VWC2: variants seen among roughly 807,000 people sequenced by gnomAD.
VWC2 encodes von Willebrand factor C domain containing 2.
In VWC2, 14 loss-of-function variants were observed where a neutral mutation model predicts 29.8. The observed-to-expected ratio is 0.47, with a 90% CI of 0.31 to 0.74. VWC2 has a LOEUF of 0.74. VWC2 is among the 30% of genes least tolerant of loss of function. The pLI, the probability that VWC2 is intolerant of heterozygous loss-of-function variation, is 0.05. For missense variants in VWC2, 457 were observed against 459.8 expected (o/e 0.99, Z 0.05); for synonymous variants, 213 against 199.0 (o/e 1.07, Z -0.59).
intron 3 of VWC2, among the ~76,000 whole-genome samples, chr7:49,814,230 A>G (rs1789080437): frequency 1.3e-5 from 2 of 152,194 alleles, no homozygotes; most frequent in African/African-American, 4.8e-5. Context: ...AGCCTCTGCA[A>G]TAAGTATTTT....
rs112009281 is a variant in VWC2, at chr7:49,847,492, G to T, written c.826+44652G>T. Among the ~76,000 whole-genome samples the T allele has an allele frequency of 2.5e-3, 379 of 152,172 alleles. 4 individuals carry two copies. Among genetic ancestry groups the T allele is most frequent in the African/African-American group, 8.6e-3 (357 of 41,524 alleles). On this transcript the variant is annotated intron_variant, in intron 3 of 3. Coordinates refer to ENST00000340652, the MANE Select transcript of VWC2 (RefSeq NM_198570.5). Reference sequence around the variant, plus strand: ...ACTTGTGACCCTCCCAAGGGCAAGGGTTTGAAAATGTGGGTTTTATTATTG... The same window carrying T: ...ACTTGTGACCCTCCCAAGGGCAAGGTTTTGAAAATGTGGGTTTTATTATTG...
rs572374615 is a variant in VWC2, at chr7:49,799,982, A to G, written c.697-2729A>G. Among the ~76,000 whole-genome samples the G allele has an allele frequency of 5.3e-5, 8 of 152,370 alleles. No homozygotes were observed. In the South Asian group the frequency reaches 1.0e-3, roughly 20 times the overall value. The stretch of plus-strand genomic sequence containing the variant: ...ATCCATGGGACCACGTCGTATATGC[A>G]GTTCCTTTTTGACCCAGTTATGGGG... On this transcript the variant is annotated intron_variant, in intron 2 of 3. Coordinates refer to ENST00000340652, the MANE Select transcript of VWC2 (RefSeq NM_198570.5).
rs1224255093 is a variant in VWC2 at position 49,920,120 on chromosome 7, G to C, written c.*7935G>C. 1 of 152,000 alleles carries C rather than the reference G, an allele frequency of 6.6e-6. No homozygotes were observed. The highest frequency in any genetic ancestry group is 1.5e-5 in the Non-Finnish European group (1 of 68,000). The allele number at this position is 152,000 out of a possible 1,614,324, so 9.4% of individuals were successfully genotyped here. A position where few individuals can be genotyped will look rare whatever the true frequency, so the allele number is the denominator to read the frequency against. ...TAATAACCAGGAGAGAAAATAAAAGGAGACATTAATTTGGATATGGAAGCA... is the reference window on the plus strand; with the variant it reads ...TAATAACCAGGAGAGAAAATAAAAGCAGACATTAATTTGGATATGGAAGCA... On this transcript the variant is annotated 3_prime_UTR_variant, in exon 4 of 4. Transcript: ENST00000340652.
chr7:49,784,595 G>C (rs1467810523), intron 2 of VWC2, among the ~76,000 whole-genome samples: 1 of 152,182 alleles, frequency 6.6e-6, no homozygotes, highest in Non-Finnish European at 1.5e-5. Flanking sequence ...GTACTGCAAT[G>C]GGACAGTGTA....
intron 2 of VWC2, among the ~76,000 whole-genome samples, chr7:49,797,099 T>G (rs938826978): frequency 6.6e-6 from 1 of 152,246 alleles, no homozygotes; most frequent in East Asian, 1.9e-4. Context: ...TTGAGCATTA[T>G]AAAGGTCTAA....
chr7:49,896,881 A>ATTTTTTTTTTTTTTTTTTTTTTTTTTTT (rs36066373), intron 3 of VWC2, among the ~76,000 whole-genome samples: 1 of 95,054 alleles, frequency 1.1e-5, no homozygotes, highest in Non-Finnish European at 2.1e-5. Context: ...TGGATTGATA[A>ATTTTTTTTTTTTTTTTTTTTTTTTTTTT]TTTTTTTTTT....
At chr7:49,825,285 A>C (rs1789367991) in intron 3 of VWC2, among the ~76,000 whole-genome samples, 1 of 152,178 alleles carries the variant, frequency 6.6e-6, no homozygotes, top group Non-Finnish European at 1.5e-5. Context: ...AAAATCTTTA[A>C]ACATCCCTTA....
chr7:49,864,979 A>G (rs181127915), intron 3 of VWC2, among the ~76,000 whole-genome samples: 121 of 151,574 alleles, frequency 8.0e-4, no homozygotes, highest in African/African-American at 2.8e-3. Context: ...CTCCTGTGGG[A>G]AGAATGGGAG....
At chr7:49,843,706 T>C (rs1789852179) in intron 3 of VWC2, among the ~76,000 whole-genome samples, 1 of 152,202 alleles carries the variant, frequency 6.6e-6, no homozygotes, top group African/African-American at 2.4e-5. Flanking sequence ...AGCTGAGGTC[T>C]ATTAGAGACA....
At chr7:49,898,112 T>C (rs1406911262) in intron 3 of VWC2, among the ~76,000 whole-genome samples, 2 of 152,070 alleles carry the variant, frequency 1.3e-5, no homozygotes. Context: ...GCTTTACATA[T>C]ATGTGTGTGT....
At chr7:49,782,982 T>C (rs1788210687) in intron 2 of VWC2, among the ~76,000 whole-genome samples, 1 of 152,214 alleles carries the variant, frequency 6.6e-6, no homozygotes, top group Non-Finnish European at 1.5e-5. Context: ...CATGTGGATA[T>C]TTAGACAAGT....
intron 3 of VWC2, among the ~76,000 whole-genome samples, chr7:49,835,171 G>T (rs556963722): frequency 3.1e-4 from 47 of 152,314 alleles, no homozygotes; most frequent in Admixed American, 8.5e-4. Context: ...GAACTATAGG[G>T]TAGAGGACAT....
chr7:49,780,187 T>C (rs1313968331), intron 2 of VWC2, among the ~76,000 whole-genome samples: 2 of 152,170 alleles, frequency 1.3e-5, no homozygotes, highest in Non-Finnish European at 2.9e-5. Context: ...GGTGATGAAG[T>C]GTATGCCAAT....
At chr7:49,810,016 G>C (rs1788969760) in intron 3 of VWC2, among the ~76,000 whole-genome samples, 1 of 151,940 alleles carries the variant, frequency 6.6e-6, no homozygotes, top group Non-Finnish European at 1.5e-5. Context: ...TATATACAGA[G>C]AGAAAGAGAA....
Position 49,877,503 on chromosome 7 carries a change from T to A in VWC2, c.827-34531T>A, listed in dbSNP as rs1472622023. Among the ~76,000 whole-genome samples the A allele has an allele frequency of 2.6e-3, 244 of 93,700 alleles. 34 individuals are homozygous for A. Among genetic ancestry groups the A allele is most frequent in the Middle Eastern group, 5.0e-3 (1 of 202 alleles). 61.5% of individuals were successfully genotyped at this position (93,700 alleles called of 152,430 possible). Reference sequence around the variant, plus strand: ...AAAAATATATATATATATATATATATATATATATATATATAGTTATTTGGT... The same window carrying A: ...AAAAATATATATATATATATATATAAATATATATATATATAGTTATTTGGT... On this transcript the variant is annotated intron_variant, in intron 3 of 3. Coordinates refer to ENST00000340652, the MANE Select transcript of VWC2 (RefSeq NM_198570.5).
At chr7:49,847,495 T>A (rs147679372) in intron 3 of VWC2, among the ~76,000 whole-genome samples, 191 of 152,212 alleles carry the variant, frequency 1.3e-3, no homozygotes, top group African/African-American at 4.5e-3. Context: ...GGCAAGGGTT[T>A]GAAAATGTGG....
intron 3 of VWC2, among the ~76,000 whole-genome samples, chr7:49,846,707 G>A (rs1789956573): frequency 1.3e-5 from 2 of 152,162 alleles, no homozygotes; most frequent in South Asian, 2.1e-4. Flanking sequence ...AAAGAGCAAA[G>A]AGCAGATAAT....
At chr7:49,888,338 T>G (rs1265020516) in intron 3 of VWC2, among the ~76,000 whole-genome samples, 1 of 152,250 alleles carries the variant, frequency 6.6e-6, no homozygotes, top group Non-Finnish European at 1.5e-5. Flanking sequence ...TAGCTATTAT[T>G]TAGATGATCA....
At chr7:49,853,611 C>T (rs1465710245) in intron 3 of VWC2, among the ~76,000 whole-genome samples, 1 of 151,706 alleles carries the variant, frequency 6.6e-6, no homozygotes, top group African/African-American at 2.4e-5. Context: ...AGTATGTTTA[C>T]GAACATACTT....
Sources: gnomAD v4.1 joint callset for allele counts (sites outside exome capture counted in the v4.1 genomes callset) on GRCh38, gnomAD v4.1.1 for gene constraint, MANE v1.5 for transcripts, NCBI Gene and HGNC (gene_info 2026-07-23, HGNC 2026-07-21) for gene names.